NBAS: variants seen among roughly 807,000 people sequenced by gnomAD.
The protein encoded by NBAS is NBAS subunit of NRZ tethering complex, also known as NAG/BC035112 fusion.
In NBAS, 219 loss-of-function variants were observed where a neutral mutation model predicts 302.5. The ratio of observed to expected loss-of-function variants is 0.72; its 90% confidence interval spans 0.65 to 0.81. The LOEUF (loss-of-function observed/expected upper bound fraction) is 0.81, where lower values mean the gene tolerates loss of function less well. NBAS is among the 30% of genes least tolerant of loss of function. The pLI is 0.00. For synonymous variants in NBAS, 1,118 were observed against 1,021.6 expected (o/e 1.09, Z -1.80); for missense variants, 2,932 against 2,841.6 (o/e 1.03, Z -0.72).
Position 15,546,700 on chromosome 2 carries a change from C to T in NBAS, c.379+4793G>A, listed in dbSNP as rs529895988. 6.6e-4 allele frequency among the ~76,000 whole-genome samples: 100 copies of T among 152,278 alleles called. No homozygotes were observed. In the South Asian group the frequency reaches 0.011, roughly 17 times the overall value. ...CCTAGATGGCGCCACTGCACTCCAG[C>T]CTCAGTGACAGAGCCAGACTCCGTC... On this transcript the variant is annotated intron_variant, in intron 6 of 51. Coordinates refer to ENST00000281513, the MANE Select transcript of NBAS (RefSeq NM_015909.4).
the NBAS span, among the ~76,000 whole-genome samples, chr2:14,943,143 C>T: frequency 6.6e-6 from 1 of 152,216 alleles, no homozygotes; most frequent in African/African-American, 2.4e-5. Flanking sequence ...ATCAAATGAG[C>T]CGTTCTAATG....
At chr2:15,155,956 A>C in the NBAS span, among the ~76,000 whole-genome samples, 1 of 152,234 alleles carries the variant, frequency 6.6e-6, no homozygotes, top group East Asian at 1.9e-4. Flanking sequence ...TGGAAAGGTA[A>C]GTATTTCGAA....
At chr2:14,993,795 A>G in the NBAS span, among the ~76,000 whole-genome samples, 1 of 152,226 alleles carries the variant, frequency 6.6e-6, no homozygotes, top group Non-Finnish European at 1.5e-5. Flanking sequence ...AGACTTTTAA[A>G]TGAAATCAAA....
At chr2:14,864,457 G>T in the NBAS span, among the ~76,000 whole-genome samples, 1 of 152,038 alleles carries the variant, frequency 6.6e-6, no homozygotes, top group Non-Finnish European at 1.5e-5. Context: ...CAGAAACAGC[G>T]AATATCCAAG....
the NBAS span, among the ~76,000 whole-genome samples, chr2:14,837,561 G>C: frequency 6.6e-6 from 1 of 151,600 alleles, no homozygotes; most frequent in East Asian, 1.9e-4. Flanking sequence ...TTCTTGGTGG[G>C]AAAGCTTTTA....
chr2:14,867,022 A>G, the NBAS span, among the ~76,000 whole-genome samples: 1 of 152,194 alleles, frequency 6.6e-6, no homozygotes, highest in Non-Finnish European at 1.5e-5. Context: ...TTTGTGCCAA[A>G]AAGATCTTGC....
chr2:15,327,277 G>A (rs1672114985), intron 38 of NBAS, among the ~76,000 whole-genome samples: 1 of 152,082 alleles, frequency 6.6e-6, no homozygotes, highest in African/African-American at 2.4e-5. Flanking sequence ...AACCTAAAAA[G>A]AAGGAGGCTA....
chr2:15,173,931 G>A (rs372837481), intron 51 of NBAS, among the ~76,000 whole-genome samples: 4 of 152,152 alleles, frequency 2.6e-5, no homozygotes, highest in African/African-American at 7.2e-5. Flanking sequence ...ATCTTTACAA[G>A]CGTCTTACCT....
chr2:14,783,151 C>G, the NBAS span, among the ~76,000 whole-genome samples: 3 of 151,906 alleles, frequency 2.0e-5, no homozygotes, highest in Non-Finnish European at 2.9e-5. Context: ...AAAAATAAAA[C>G]TGGGTTTTCC....
the NBAS span, among the ~76,000 whole-genome samples, chr2:15,000,975 A>G: frequency 4.6e-5 from 7 of 152,212 alleles, no homozygotes; most frequent in African/African-American, 1.4e-4. Flanking sequence ...CAGCCAGTAC[A>G]TGATGGGAAC....
At chr2:15,290,489 T>C (rs1177048875) in intron 41 of NBAS, among the ~76,000 whole-genome samples, 10 of 152,188 alleles carry the variant, frequency 6.6e-5, no homozygotes. Flanking sequence ...TCTAGCAAAA[T>C]GTAACTGATG....
the NBAS span, among the ~76,000 whole-genome samples, chr2:14,806,845 A>G: frequency 6.6e-6 from 1 of 152,248 alleles, no homozygotes; most frequent in Admixed American, 6.5e-5. Context: ...AATCCTGATT[A>G]TTCCATTGCA....
intron 9 of NBAS, among the ~76,000 whole-genome samples, chr2:15,529,038 G>T (rs1022294112): frequency 3.3e-5 from 5 of 151,674 alleles, no homozygotes; most frequent in Non-Finnish European, 5.9e-5. Flanking sequence ...CAATAAATAA[G>T]AGAGTCATGG....
At chr2:14,891,583 G>A in the NBAS span, among the ~76,000 whole-genome samples, 1 of 152,038 alleles carries the variant, frequency 6.6e-6, no homozygotes, top group East Asian at 1.9e-4. Context: ...GAACTACCTG[G>A]GAAATCTATA....
chr2:15,535,292 C>T (rs1273633978), intron 8 of NBAS, among the ~76,000 whole-genome samples: 3 of 152,018 alleles, frequency 2.0e-5, no homozygotes, highest in Non-Finnish European at 4.4e-5. Context: ...GAGGCCGAGG[C>T]GGGCAGATCA....
At chr2:15,448,090 A>T (rs1227817051) in intron 21 of NBAS, among the ~76,000 whole-genome samples, 5 of 152,214 alleles carry the variant, frequency 3.3e-5, no homozygotes, top group African/African-American at 4.8e-5. Flanking sequence ...AGGCCACACC[A>T]TTTAATACTG....
chr2:14,968,639 C>T, the NBAS span, among the ~76,000 whole-genome samples: 2 of 152,074 alleles, frequency 1.3e-5, no homozygotes, highest in Non-Finnish European at 2.9e-5. Flanking sequence ...CAAAACAAAA[C>T]AAAAATAAGA....
chr2:15,089,198 T>C, the NBAS span, among the ~76,000 whole-genome samples: 1 of 152,100 alleles, frequency 6.6e-6, no homozygotes, highest in East Asian at 1.9e-4. Context: ...CCCAGGCTGG[T>C]CATGAACTCC....
chr2:15,476,830 C>A (rs993886453), intron 13 of NBAS, among the ~76,000 whole-genome samples: 1 of 152,098 alleles, frequency 6.6e-6, no homozygotes, highest in South Asian at 2.1e-4. Context: ...ACCTGTTATA[C>A]AAAACATATG....
Sources: gnomAD v4.1 joint callset for allele counts (sites outside exome capture counted in the v4.1 genomes callset) on GRCh38, gnomAD v4.1.1 for gene constraint, MANE v1.5 for transcripts, NCBI Gene and HGNC (gene_info 2026-07-23, HGNC 2026-07-21) for gene names.